The following AGBL1 variants were observed in gnomAD, a reference collection of about 807,000 sequenced individuals.
The protein encoded by AGBL1 is AGBL carboxypeptidase 1.
A neutral mutation model predicts 118.9 loss-of-function variants in AGBL1; 130 were observed. The observed-to-expected ratio is 1.09, with a 90% CI of 0.95 to 1.26. The LOEUF is 1.26. Ranked by LOEUF, AGBL1 falls within the 50% of genes most tolerant of loss-of-function variation. The pLI, the probability that AGBL1 is intolerant of heterozygous loss-of-function variation, is 0.00. For missense variants in AGBL1, 1,584 were observed against 1,298.1 expected (o/e 1.22, Z -3.38); for synonymous variants, 555 against 478.9 (o/e 1.16, Z -2.08).
rs564679545 is a variant in AGBL1 at position 86,669,503 on chromosome 15, C to A, written c.2995-4770C>A. ...ACAGAGGTAAGGGAGAGGCAATATT[C>A]AAAAAGATCATGGATGACATTTTTC... On this transcript the variant is annotated intron_variant, in intron 21 of 22. Coordinates refer to ENST00000614907, the MANE Select transcript of AGBL1 (RefSeq NM_001386094.1). Among the ~76,000 whole-genome samples the A allele has an allele frequency of 5.3e-5, 8 of 152,040 alleles. No individual in the cohort carries two copies. In the South Asian group the frequency reaches 1.7e-3, roughly 32 times the overall value.
chr15:86,924,507 G>A (rs1174145005), intron 23 of AGBL1, among the ~76,000 whole-genome samples: 1 of 152,208 alleles, frequency 6.6e-6, no homozygotes, highest in African/African-American at 2.4e-5. Flanking sequence ...GACCTGGAAA[G>A]TATAATGAAT....
chr15:86,221,293 A>G (rs544692888), intron 5 of AGBL1, among the ~76,000 whole-genome samples: 1 of 152,302 alleles, frequency 6.6e-6, no homozygotes, highest in African/African-American at 2.4e-5. Flanking sequence ...CATCCAGCAG[A>G]AGGCAGTCTT....
intron 14 of AGBL1, 131 bp downstream of exon 14, chr15:86,270,198 G>T: frequency 1.6e-6 from 2 of 1,244,138 alleles, no homozygotes; most frequent in Non-Finnish European, 2.2e-6. Flanking sequence ...GTTGCCAGGT[G>T]CAGCAAGGCA....
At chr15:86,441,617 T>A (rs896458014) in intron 18 of AGBL1, among the ~76,000 whole-genome samples, 1 of 152,224 alleles carries the variant, frequency 6.6e-6, no homozygotes. Flanking sequence ...AAGGACTAAA[T>A]GACTAAATAA....
intron 24 of AGBL1, among the ~76,000 whole-genome samples, chr15:86,990,104 C>T (rs996831741): frequency 6.6e-6 from 1 of 152,126 alleles, no homozygotes; most frequent in Non-Finnish European, 1.5e-5. Context: ...TAATAGGATC[C>T]TCTGGCTTAT....
intron 22 of AGBL1, among the ~76,000 whole-genome samples, chr15:86,835,950 A>C (rs370511133): frequency 1.3e-5 from 2 of 152,206 alleles, no homozygotes; most frequent in East Asian, 3.9e-4. Flanking sequence ...TCACACACAC[A>C]AAGTGAAGGA....
At chr15:86,412,647 C>A (rs4887450) in intron 18 of AGBL1, among the ~76,000 whole-genome samples, 82,296 of 151,988 alleles carry the variant, frequency 0.54, 24,407 homozygotes, top group East Asian at 0.83. Flanking sequence ...TTATTAATTC[C>A]TGTGACCATG....
At chr15:86,995,836 T>C (rs958048709) in intron 24 of AGBL1, among the ~76,000 whole-genome samples, 2 of 152,220 alleles carry the variant, frequency 1.3e-5, no homozygotes, top group African/African-American at 2.4e-5. Flanking sequence ...TTTTCATATT[T>C]GTAAATAAGA....
intron 17 of AGBL1, among the ~76,000 whole-genome samples, chr15:86,396,907 T>C (rs1021212855): frequency 6.6e-6 from 1 of 152,164 alleles, no homozygotes; most frequent in African/African-American, 2.4e-5. Flanking sequence ...CTCTGGAGAA[T>C]TAGTTATTTC....
At chr15:86,565,654 A>G (rs1007605414) in intron 21 of AGBL1, among the ~76,000 whole-genome samples, 4 of 152,238 alleles carry the variant, frequency 2.6e-5, no homozygotes, top group African/African-American at 7.2e-5. Flanking sequence ...ACTGTCTTCA[A>G]TGCTGTCAGA....
downstream of AGBL1, among the ~76,000 whole-genome samples, chr15:86,916,903 A>G (rs773363875): frequency 5.3e-5 from 8 of 152,192 alleles, no homozygotes; most frequent in Non-Finnish European, 8.8e-5. Flanking sequence ...AGAGCAGAGC[A>G]GTGCCGTTGA....
intron 18 of AGBL1, among the ~76,000 whole-genome samples, chr15:86,475,263 A>T (rs1949464477): frequency 1.3e-5 from 2 of 152,180 alleles, no homozygotes; most frequent in Non-Finnish European, 2.9e-5. Flanking sequence ...GCTTCAGACG[A>T]TTAAACTTCT....
chr15:86,454,880 A>T (rs891204148), intron 18 of AGBL1, among the ~76,000 whole-genome samples: 9 of 152,160 alleles, frequency 5.9e-5, no homozygotes, highest in African/African-American at 2.2e-4. Flanking sequence ...GTTGTATGTA[A>T]ATTAAACCTC....
chr15:86,585,803 G>A (rs2084239284), intron 21 of AGBL1, among the ~76,000 whole-genome samples: 1 of 152,198 alleles, frequency 6.6e-6, no homozygotes. Flanking sequence ...GCACAGACTG[G>A]AGACTAGGTG....
At chr15:86,143,311 A>G (rs2076988516) in intron 2 of AGBL1, among the ~76,000 whole-genome samples, 1 of 152,234 alleles carries the variant, frequency 6.6e-6, no homozygotes, top group African/African-American at 2.4e-5. Context: ...GTTACAGAAG[A>G]TTCAAATGTA....
At chr15:86,163,480 C>T (rs1431533741) in intron 5 of AGBL1, among the ~76,000 whole-genome samples, 2 of 152,132 alleles carry the variant, frequency 1.3e-5, no homozygotes, top group African/African-American at 4.8e-5. Context: ...GTAATCCCAG[C>T]ACTTTGGGAG....
intron 21 of AGBL1, among the ~76,000 whole-genome samples, chr15:86,635,612 G>C (rs1476898536): frequency 6.6e-6 from 1 of 151,896 alleles, no homozygotes; most frequent in Non-Finnish European, 1.5e-5. Flanking sequence ...TCAAGGAAAA[G>C]TAGGTGTGCT....
intron 22 of AGBL1, among the ~76,000 whole-genome samples, chr15:86,774,871 G>A (rs28439635): frequency 1.3e-5 from 2 of 152,060 alleles, no homozygotes; most frequent in Non-Finnish European, 2.9e-5. Flanking sequence ...GAGGTAAGGA[G>A]CGGCTATGAC....
At chr15:86,377,529 G>A (rs2141954395) in intron 17 of AGBL1, among the ~76,000 whole-genome samples, 1 of 152,280 alleles carries the variant, frequency 6.6e-6, no homozygotes, top group Non-Finnish European at 1.5e-5. Flanking sequence ...GTGCTAACAA[G>A]TCCTGTTTTT....
Sources: gnomAD v4.1 joint callset for allele counts (sites outside exome capture counted in the v4.1 genomes callset) on GRCh38, gnomAD v4.1.1 for gene constraint, MANE v1.5 for transcripts, NCBI Gene and HGNC (gene_info 2026-07-23, HGNC 2026-07-21) for gene names.